The following IL27RA variants were observed in gnomAD, a reference collection of about 807,000 sequenced individuals.
IL27RA encodes interleukin 27 receptor subunit alpha, also known as interleukin-27 receptor subunit alpha.
In IL27RA, 61 loss-of-function variants were observed where a neutral mutation model predicts 80.8. The ratio of observed to expected loss-of-function variants is 0.76; its 90% CI spans 0.61 to 0.93. The LOEUF is 0.93. IL27RA is among the 40% of genes least tolerant of loss of function. The pLI, the probability that IL27RA is intolerant of heterozygous loss-of-function variation, is 0.00. For missense variants in IL27RA, 735 were observed against 808.1 expected, an observed-to-expected ratio of 0.91 and a Z score of 1.10; for synonymous variants, 316 against 332.5, an observed-to-expected ratio of 0.95 and a Z score of 0.54.
chr19:14,043,759 ATTAATAGG>A (rs2145692076), intron 6 of IL27RA, among the ~76,000 whole-genome samples: 1 of 151,784 alleles, frequency 6.6e-6, no homozygotes, highest in African/African-American at 2.4e-5. Flanking sequence ...TCAAAAGGGT[ATTAATAGG>A]CTGGGCATGG....
intron 6 of IL27RA, among the ~76,000 whole-genome samples, chr19:14,044,718 G>A (rs1337558546): frequency 6.6e-6 from 1 of 151,620 alleles, no homozygotes; most frequent in Non-Finnish European, 1.5e-5. Context: ...CGAGTGGGTG[G>A]CTCATACCTG....
intron 2 of IL27RA, among the ~76,000 whole-genome samples, chr19:14,037,288 TCTCA>T (rs1405356174): frequency 2.0e-5 from 3 of 150,662 alleles, no homozygotes; most frequent in Non-Finnish European, 4.4e-5. Flanking sequence ...TGAGACAGAG[TCTCA>T]CTCTGTTGCC....
rs774260300 is a variant in IL27RA, at chr19:14,046,636, C to T, written c.1141+18C>T. 13 of 1,573,168 alleles carry T rather than the reference C, an allele frequency of 8.3e-6. No homozygotes were observed. The highest frequency in any genetic ancestry group is 1.4e-5 in the African/African-American group (1 of 73,870). On this transcript the variant is annotated intron_variant, in intron 8 of 13. Coordinates refer to ENST00000263379, the MANE Select transcript of IL27RA (RefSeq NM_004843.4). The stretch of plus-strand genomic sequence containing the variant: ...GTTACCAGGTGAGGCCCTGGGACAC[C>T]TGGGTCTCCATCCCCGCTGTTAGAG...
In IL27RA at chr19:14,042,432, G is replaced by A. The variant is rs200396670; in HGVS notation, c.535-21G>A. 9.9e-6 allele frequency: 16 copies of A among 1,610,754 alleles called. 1 individual carries two copies. In the East Asian group the frequency reaches 1.3e-4, roughly 13 times the overall value. ...TTGACTCAGGCCCTGGGCCCATCACGCTCGCCTGTCTCTCCCCCAGCTGGA... is the reference window on the plus strand; with the variant it reads ...TTGACTCAGGCCCTGGGCCCATCACACTCGCCTGTCTCTCCCCCAGCTGGA... On this transcript the variant is annotated intron_variant, in intron 4 of 13. Transcript: ENST00000263379.
In IL27RA at chr19:14,052,292, C is replaced by A. The variant is rs781281060; in HGVS notation, c.*2C>A. Reference sequence around the variant, plus strand: ...CCCAGGCCACAGGTTCTGGCCTGAACCACACGTCTGGCTGGGGGCTGCCAG... The same window carrying A: ...CCCAGGCCACAGGTTCTGGCCTGAAACACACGTCTGGCTGGGGGCTGCCAG... On this transcript the variant is annotated 3_prime_UTR_variant, in exon 14 of 14. Coordinates refer to ENST00000263379, the MANE Select transcript of IL27RA (RefSeq NM_004843.4). 1 of 1,487,864 alleles carries A rather than the reference C, an allele frequency of 6.7e-7. No individual in the cohort carries two copies. The highest frequency in any genetic ancestry group is 1.4e-5 in the African/African-American group (1 of 71,060). 92.2% of individuals were successfully genotyped at this position (1,487,864 alleles called of 1,614,324 possible).
chr19:14,042,914 G>A, intron 6 of IL27RA, 125 bp downstream of exon 6: 2 of 851,262 alleles, frequency 2.3e-6, no homozygotes, highest in South Asian at 2.9e-5. Flanking sequence ...GGCCGAGGAG[G>A]GTGGATCACT....
At chr19:14,032,535 G>A in intron 2 of IL27RA, 32 bp downstream of exon 2, 1 of 1,483,690 alleles carries the variant, frequency 6.7e-7, no homozygotes, top group Non-Finnish European at 9.4e-7. Flanking sequence ...GGGGAAACAG[G>A]CTTTGGAGGT....
chr19:14,049,453 A>G (rs1976125935), intron 10 of IL27RA, 139 bp downstream of exon 10: 3 of 735,458 alleles, frequency 4.1e-6, no homozygotes, highest in South Asian at 2.9e-5. Context: ...TTGGCTATCA[A>G]TGTAACGAGC....
chr19:14,040,012 CT>C (rs1797715856), intron 4 of IL27RA, 102 bp downstream of exon 4: 1 of 1,206,228 alleles, frequency 8.3e-7, no homozygotes, highest in Non-Finnish European at 1.2e-6. Flanking sequence ...GTGCCTGCCC[CT>C]GAGCCTGTAT....
Position 14,051,650 on chromosome 19 carries a change from G to A in IL27RA, c.1572G>A (p.Leu524=), listed in dbSNP as rs907975498. Residue 524 remains leucine (L), a synonymous_variant, in exon 12 of 14, where the codon TTG becomes TTA. Coordinates refer to ENST00000263379, the MANE Select transcript of IL27RA (RefSeq NM_004843.4). ...RWKVLPGILF[L]WGLFLLGCGL... is the part of the protein sequence containing the mutation. ...AAGTTCTGCCGGGCATCCTATTCTT[G>A]TGGGGCTTGTTCCTGTTGGGGTGTG... The A allele has an allele frequency of 6.2e-6, 10 of 1,613,254 alleles. No individual in the cohort carries two copies. In the Admixed American group the frequency reaches 8.3e-5, roughly 13 times the overall value.
At chr19:14,032,632 TAC>T in intron 2 of IL27RA, 129 bp downstream of exon 2, 14 of 82,748 alleles carry the variant, frequency 1.7e-4, no homozygotes, top group South Asian at 1.1e-3. Context: ...ATACTAAAAA[TAC>T]AAAAAAAAAA....
At chr19:14,047,213 T>TC (rs1014628299) in intron 8 of IL27RA, among the ~76,000 whole-genome samples, 2 of 148,676 alleles carry the variant, frequency 1.3e-5, no homozygotes, top group Non-Finnish European at 3.0e-5. Context: ...TCGGTTAATT[T>TC]TTTTTTTTTT....
chr19:14,045,457 C>T (rs1056839764), intron 6 of IL27RA, among the ~76,000 whole-genome samples: 4 of 148,994 alleles, frequency 2.7e-5, no homozygotes, highest in South Asian at 2.1e-4. Flanking sequence ...AAAAATTAGC[C>T]GGACGTGGTG....
chr19:14,032,384 A>C lies in IL27RA; in HGVS notation c.101-2A>C. The stretch of plus-strand genomic sequence containing the variant: ...CCTGAGACCCTCTGACTCCCTCTCC[A>C]GGCAGCGCCGGGCCACTGCAGTGCT... On this transcript the variant is annotated splice_acceptor_variant, in intron 1 of 13. Transcript: ENST00000263379. LOFTEE classifies it high-confidence loss of function. The C allele has an allele frequency of 6.2e-7, 1 of 1,610,840 alleles. No individual in the cohort carries two copies. Among genetic ancestry groups the C allele is most frequent in the East Asian group, 2.2e-5 (1 of 44,808 alleles).
chr19:14,032,216 A>G (rs1208596045), intron 1 of IL27RA, among the ~76,000 whole-genome samples, 170 bp from the exon 2 acceptor site: 1 of 152,028 alleles, frequency 6.6e-6, no homozygotes, highest in African/African-American at 2.4e-5. Context: ...GCACAGGGAA[A>G]GGGGGGGTTT....
At chr19:14,040,705 C>G (rs896606682) in intron 4 of IL27RA, among the ~76,000 whole-genome samples, 5 of 151,220 alleles carry the variant, frequency 3.3e-5, no homozygotes, top group African/African-American at 1.2e-4. Context: ...GCCTGTAGTC[C>G]CAGCTAATTG....
At chr19:14,051,241 C>A (rs1397782637) in intron 11 of IL27RA, among the ~76,000 whole-genome samples, 1 of 151,754 alleles carries the variant, frequency 6.6e-6, no homozygotes, top group African/African-American at 2.4e-5. Flanking sequence ...AAGCAAGACC[C>A]TGTCTTTAAA....
intron 12 of IL27RA, 52 bp downstream of exon 12, chr19:14,051,752 C>T: frequency 1.4e-6 from 2 of 1,476,478 alleles, no homozygotes; most frequent in South Asian, 1.2e-5. Flanking sequence ...GGCAGCTGGG[C>T]ATTTTGCTGA....
chr19:14,036,454 A>G (rs1975900636), intron 2 of IL27RA, among the ~76,000 whole-genome samples: 1 of 147,542 alleles, frequency 6.8e-6, no homozygotes, highest in Admixed American at 6.8e-5. Context: ...AATGTTCGCC[A>G]TTTCCATCCA....
Sources: gnomAD v4.1 joint callset for allele counts (sites outside exome capture counted in the v4.1 genomes callset) on GRCh38, gnomAD v4.1.1 for gene constraint, MANE v1.5 for transcripts, NCBI Gene and HGNC (gene_info 2026-07-23, HGNC 2026-07-21) for gene names.